The following EYS variants were observed in gnomAD, a reference collection of about 807,000 sequenced individuals.
EYS encodes EGF-like photoreceptor maintenance factor.
In EYS, 250 loss-of-function variants were observed where a neutral mutation model predicts 282.1. That is an observed-to-expected ratio of 0.89 (90% CI 0.80 to 0.98). The LOEUF (loss-of-function observed/expected upper bound fraction) is 0.98, where lower values mean the gene tolerates loss of function less well. Among genes scored for constraint, EYS ranks in the 50% least tolerant of loss-of-function variants. EYS has a pLI of 0.00. For synonymous variants in EYS, 1,355 were observed against 1,282.9 expected (o/e 1.06, Z -1.20); for missense variants, 4,016 against 3,709.0 (o/e 1.08, Z -2.15).
At chr6:64,798,607 G>GTTTTTTTTTTTTTT (rs57597318) in intron 22 of EYS, among the ~76,000 whole-genome samples, 1 of 106,810 alleles carries the variant, frequency 9.4e-6, no homozygotes, top group Non-Finnish European at 1.9e-5. Context: ...TTTGTTTCTG[G>GTTTTTTTTTTTTTT]TTTTTTTTTT....
chr6:64,821,640 CTT>C lies in EYS; in HGVS notation c.3243+3_3243+4del. On this transcript the variant is annotated splice_donor_region_variant and intron_variant, in intron 21 of 42. Coordinates refer to ENST00000503581, the MANE Select transcript of EYS (RefSeq NM_001142800.2). ...ATATAACTTGAATAAAATTATAAGA[CTT>C]ACATTAATTTTGATCTTACATTGTG... is the stretch of plus-strand genomic sequence containing the variant. 7.1e-7 allele frequency: 1 copy of C among 1,401,450 alleles called. No homozygotes were observed. The highest frequency in any genetic ancestry group is 9.7e-7 in the Non-Finnish European group (1 of 1,031,790). 86.8% of individuals were successfully genotyped at this position (1,401,450 alleles called of 1,614,324 possible).
chr6:64,093,970 G>T lies in EYS; in HGVS notation c.6425-11968C>A, dbSNP rs548573928. Among the ~76,000 whole-genome samples the T allele has an allele frequency of 2.6e-5, 4 of 152,258 alleles. No individual in the cohort carries two copies. The South Asian group carries it at 8.3e-4, about 32-fold the overall frequency. On this transcript the variant is annotated intron_variant, in intron 31 of 42. Coordinates refer to ENST00000503581, the MANE Select transcript of EYS (RefSeq NM_001142800.2). ...TTGAGAGTTTTTAGCATGAAGCGTT[G>T]TTGAATTTTGTCAAAGACCTTTTCT...
Position 65,534,030 on chromosome 6 carries a change from T to C in EYS, c.-332-38037A>G, listed in dbSNP as rs921768901. 1.7e-4 allele frequency among the ~76,000 whole-genome samples: 26 copies of C among 152,082 alleles called. 1 individual carries two copies. Among genetic ancestry groups the C allele is most frequent in the African/African-American group, 6.0e-4 (25 of 41,422 alleles). ...TCTGTGCCATTGCTCATACTTCTTG[T>C]ACTTGGATCAAAGAAACAAGCAAGT... On this transcript the variant is annotated intron_variant, in intron 2 of 42. Coordinates refer to ENST00000503581, the MANE Select transcript of EYS (RefSeq NM_001142800.2).
At chr6:64,290,650 G>C (rs1562289769) in intron 30 of EYS, among the ~76,000 whole-genome samples, 1 of 151,980 alleles carries the variant, frequency 6.6e-6, no homozygotes, top group East Asian at 1.9e-4. Context: ...CATTCTTGGT[G>C]GGGGGCTTAG....
At chr6:65,347,934 C>T (rs914569106) in intron 9 of EYS, among the ~76,000 whole-genome samples, 2 of 151,400 alleles carry the variant, frequency 1.3e-5, no homozygotes, top group Admixed American at 1.3e-4. Flanking sequence ...GTAGGAGTTC[C>T]ATTATTTTAA....
intron 11 of EYS, among the ~76,000 whole-genome samples, chr6:65,317,872 T>C (rs1769352069): frequency 1.6e-5 from 1 of 62,880 alleles, no homozygotes; most frequent in Non-Finnish European, 3.1e-5. Flanking sequence ...CTTTCTTTCT[T>C]TCTTTCTTTC....
chr6:63,883,167 G>T (rs1210333575), intron 35 of EYS, among the ~76,000 whole-genome samples: 1 of 152,110 alleles, frequency 6.6e-6, no homozygotes, highest in Non-Finnish European at 1.5e-5. Context: ...ACCAAATTTT[G>T]GAAGCCGAAG....
intron 36 of EYS, among the ~76,000 whole-genome samples, chr6:63,823,197 C>T (rs1439714681): frequency 6.6e-6 from 1 of 152,140 alleles, no homozygotes; most frequent in African/African-American, 2.4e-5. Context: ...CTCCCCCCTA[C>T]AGGCATTTAG....
At chr6:64,670,589 T>A (rs1052343405) in intron 22 of EYS, among the ~76,000 whole-genome samples, 4 of 152,156 alleles carry the variant, frequency 2.6e-5, no homozygotes, top group Non-Finnish European at 5.9e-5. Flanking sequence ...CATTTCTGTA[T>A]TTCACTACAC....
At chr6:64,501,315 A>G (rs1386209975) in intron 26 of EYS, among the ~76,000 whole-genome samples, 1 of 152,064 alleles carries the variant, frequency 6.6e-6, no homozygotes, top group Admixed American at 6.6e-5. Context: ...ATAAGTAATG[A>G]TATCTGAAAA....
rs1276586019 is a variant in EYS at position 64,255,777 on chromosome 6, TTGTG to T, written c.6192-24957_6192-24954del. On this transcript the variant is annotated intron_variant, in intron 30 of 42. Coordinates refer to ENST00000503581, the MANE Select transcript of EYS (RefSeq NM_001142800.2). ...CGATATATTCACATGATATATGTATTTGTGTGTATACATAATTTCCTTATGTACA... is the reference window on the plus strand; with the variant it reads ...CGATATATTCACATGATATATGTATTTGTATACATAATTTCCTTATGTACA... 4.6e-5 allele frequency among the ~76,000 whole-genome samples: 7 copies of T among 152,068 alleles called. No individual in the cohort carries two copies. In the South Asian group the frequency reaches 6.2e-4, roughly 13 times the overall value.
At chr6:64,095,721 G>A (rs185924996) in intron 31 of EYS, among the ~76,000 whole-genome samples, 2 of 152,162 alleles carry the variant, frequency 1.3e-5, no homozygotes, top group Non-Finnish European at 2.9e-5. Flanking sequence ...TTGCCAGGCT[G>A]TGTCTTTTAA....
chr6:63,904,063 C>G (rs1773718001), intron 35 of EYS, among the ~76,000 whole-genome samples: 1 of 152,284 alleles, frequency 6.6e-6, no homozygotes, highest in Admixed American at 6.5e-5. Context: ...TTTTCTATAG[C>G]TTTTCTCATG....
intron 22 of EYS, among the ~76,000 whole-genome samples, chr6:64,765,678 C>T (rs1773302285): frequency 6.6e-6 from 1 of 152,102 alleles, no homozygotes; most frequent in African/African-American, 2.4e-5. Context: ...GTGAAGCAAG[C>T]ACCTTCTTCA....
intron 9 of EYS, among the ~76,000 whole-genome samples, chr6:65,345,656 T>C (rs998548812): frequency 6.6e-6 from 1 of 151,808 alleles, no homozygotes. Flanking sequence ...GTCCAATTTA[T>C]TAGTATAAAG....
Position 64,278,174 on chromosome 6 carries a change from A to G in EYS, c.6191+28796T>C, listed in dbSNP as rs1292127155. The stretch of plus-strand genomic sequence containing the variant: ...CCACTATCTCAAGTCTTTAAACAGA[A>G]CCTGAATGACCACCTGTCAAAGATA... On this transcript the variant is annotated intron_variant, in intron 30 of 42. Transcript: ENST00000503581. 2.0e-5 allele frequency among the ~76,000 whole-genome samples: 3 copies of G among 152,100 alleles called. No individual in the cohort carries two copies. In the East Asian group the frequency reaches 5.8e-4, roughly 29 times the overall value.
Position 65,495,113 on chromosome 6 carries a change from C to A in EYS, c.298G>T (p.Glu100Ter). Residue 100 changes from glutamate to a stop codon, truncating the protein, a stop_gained, in exon 4 of 43, where the codon GAA becomes TAA. Transcript: ENST00000503581. LOFTEE classifies it high-confidence loss of function. The stretch of plus-strand genomic sequence containing the variant: ...TCAGAAACATTCATCAAATTTATTT[C>A]TGGAAATTGAAGAGATGGTTCAGAA... The part of the protein sequence containing the change: ...ISSEPSLQFP[E>*]INLMNVSETS... The A allele has an allele frequency of 1.9e-6, 3 of 1,614,158 alleles. No homozygotes were observed. Among genetic ancestry groups the A allele is most frequent in the Non-Finnish European group, 2.5e-6 (3 of 1,180,000 alleles).
At chr6:65,000,641 G>C (rs35445061) in intron 13 of EYS, among the ~76,000 whole-genome samples, 39,677 of 152,072 alleles carry the variant, frequency 0.26, 6,359 homozygotes, top group African/African-American at 0.44. Flanking sequence ...AGCCGGGCTT[G>C]GTGGCACATG....
At chr6:65,682,939 C>A (rs540166108) in intron 1 of EYS, among the ~76,000 whole-genome samples, 65 of 151,902 alleles carry the variant, frequency 4.3e-4, no homozygotes, top group African/African-American at 1.6e-3. Flanking sequence ...AAGTTTAGGC[C>A]ACTATCAATA....
Sources: allele counts gnomAD v4.1 joint callset (sites outside exome capture counted in the v4.1 genomes callset), GRCh38; gene constraint gnomAD v4.1.1; transcripts MANE v1.5; gene names NCBI Gene and HGNC (gene_info 2026-07-23, HGNC 2026-07-21).